MDGA2: variants seen among roughly 807,000 people sequenced by gnomAD.
MDGA2 encodes the protein MAM domain-containing glycosylphosphatidylinositol anchor protein 2.
In MDGA2, 40 loss-of-function variants were observed where a neutral mutation model predicts 117.8. The observed-to-expected ratio is 0.34, with a 90% CI of 0.26 to 0.44. The LOEUF (loss-of-function observed/expected upper bound fraction) is 0.44, where lower values mean the gene tolerates loss of function less well. MDGA2 is among the 20% of genes least tolerant of loss of function. The pLI is 1.00. For synonymous variants in MDGA2, 452 were observed against 439.0 expected, an observed-to-expected ratio of 1.03 and a Z score of -0.37; for missense variants, 1,123 against 1,250.6, an observed-to-expected ratio of 0.90 and a Z score of 1.54.
intron 1 of MDGA2, among the ~76,000 whole-genome samples, chr14:47,345,628 A>G (rs1178687120): frequency 2.6e-5 from 4 of 152,116 alleles, no homozygotes; most frequent in African/African-American, 9.6e-5. Flanking sequence ...CTACTTGGTT[A>G]AACAATAAAA....
Position 47,067,121 on chromosome 14 carries a change from A to C in MDGA2, c.1196-5543T>G, listed in dbSNP as rs78017805. The stretch of plus-strand genomic sequence containing the variant: ...CAAGAGCAAAACTCCACCACAAACA[A>C]AGAAACAAACAACCAACCAAAGTGT... On this transcript the variant is annotated intron_variant, in intron 6 of 16. Coordinates refer to ENST00000399232, the MANE Select transcript of MDGA2 (RefSeq NM_001113498.3). Among the ~76,000 whole-genome samples the C allele has an allele frequency of 3.7e-3, 570 of 152,332 alleles. 6 individuals carry two copies. Among genetic ancestry groups the C allele is most frequent in the African/African-American group, 0.013 (543 of 41,580 alleles).
intron 8 of MDGA2, among the ~76,000 whole-genome samples, chr14:47,013,250 T>C (rs1037308218): frequency 1.3e-5 from 2 of 152,188 alleles, no homozygotes; most frequent in African/African-American, 2.4e-5. Flanking sequence ...GTTTGTAATA[T>C]TGTAAATCTT....
chr14:47,312,360 C>T (rs561692745), intron 1 of MDGA2, among the ~76,000 whole-genome samples: 1 of 152,098 alleles, frequency 6.6e-6, no homozygotes. Context: ...CTGGCCTCTC[C>T]ACAAGCACTT....
At chr14:47,426,855 G>A (rs1421235894) in intron 1 of MDGA2, among the ~76,000 whole-genome samples, 1 of 151,084 alleles carries the variant, frequency 6.6e-6, no homozygotes, top group Non-Finnish European at 1.5e-5. Context: ...TTCAGAGGAG[G>A]CAGGACATTT....
chr14:47,519,858 C>A (rs922792186), intron 1 of MDGA2, among the ~76,000 whole-genome samples: 4 of 152,154 alleles, frequency 2.6e-5, no homozygotes, highest in Non-Finnish European at 1.5e-5. Flanking sequence ...AGTCCAAAGA[C>A]ATTTTCCCCC....
chr14:47,246,837 A>ACACACACACACG (rs1887255184), intron 2 of MDGA2, among the ~76,000 whole-genome samples: 1 of 149,306 alleles, frequency 6.7e-6, no homozygotes, highest in African/African-American at 2.5e-5. Context: ...ACACACACTC[A>ACACACACACACG]GACGTATCAA....
chr14:47,405,443 T>A (rs1292742489), intron 1 of MDGA2, among the ~76,000 whole-genome samples: 1 of 152,186 alleles, frequency 6.6e-6, no homozygotes, highest in Non-Finnish European at 1.5e-5. Context: ...AATTAATCAT[T>A]CATTTCTCTT....
intron 3 of MDGA2, among the ~76,000 whole-genome samples, chr14:47,192,827 T>C (rs921011359): frequency 1.3e-5 from 2 of 152,176 alleles, no homozygotes; most frequent in African/African-American, 4.8e-5. Context: ...CAACCACATA[T>C]GCTTGTTAAC....
chr14:46,921,827 A>G (rs982489670), intron 9 of MDGA2, among the ~76,000 whole-genome samples: 4 of 152,208 alleles, frequency 2.6e-5, no homozygotes, highest in African/African-American at 9.7e-5. Context: ...CTACAAATTT[A>G]CTAAAGAAGT....
chr14:47,295,118 C>T (rs1181702485), intron 2 of MDGA2, among the ~76,000 whole-genome samples: 1 of 152,032 alleles, frequency 6.6e-6, no homozygotes, highest in Non-Finnish European at 1.5e-5. Flanking sequence ...GAGTGGCTTT[C>T]AAAAATATTT....
intron 1 of MDGA2, among the ~76,000 whole-genome samples, chr14:47,553,715 T>C (rs1361753613): frequency 6.9e-6 from 1 of 145,296 alleles, no homozygotes; most frequent in Non-Finnish European, 1.5e-5. Flanking sequence ...TATATACTTA[T>C]AAAAACAATA....
intron 5 of MDGA2, among the ~76,000 whole-genome samples, chr14:47,106,134 A>C (rs1035158916): frequency 3.3e-5 from 5 of 151,958 alleles, no homozygotes; most frequent in African/African-American, 1.2e-4. Context: ...TTCATGGCTC[A>C]TTTGGCAGCA....
At chr14:47,665,823 CCCCCGCCCCA>C (rs1386149131) in intron 1 of MDGA2, among the ~76,000 whole-genome samples, 1 of 135,120 alleles carries the variant, frequency 7.4e-6, no homozygotes, top group Non-Finnish European at 1.6e-5. Context: ...CTCCCCCCCG[CCCCCGCCCCA>C]CCCCGCCCCA....
At chr14:47,471,696 T>C (rs1199043084) in intron 1 of MDGA2, among the ~76,000 whole-genome samples, 1 of 152,084 alleles carries the variant, frequency 6.6e-6, no homozygotes, top group East Asian at 1.9e-4. Context: ...GCCTCAATCC[T>C]CTTAGTGGCA....
At chr14:47,388,212 G>C (rs1272561957) in intron 1 of MDGA2, among the ~76,000 whole-genome samples, 1 of 152,058 alleles carries the variant, frequency 6.6e-6, no homozygotes, top group African/African-American at 2.4e-5. Flanking sequence ...TAGGTATGGA[G>C]GCATAAACAG....
At chr14:47,233,291 T>C (rs1457217763) in intron 2 of MDGA2, among the ~76,000 whole-genome samples, 1 of 152,102 alleles carries the variant, frequency 6.6e-6, no homozygotes, top group African/African-American at 2.4e-5. Flanking sequence ...GAACTGCATA[T>C]AAAACACTAA....
chr14:47,613,938 T>C (rs1469794329), intron 1 of MDGA2, among the ~76,000 whole-genome samples: 4 of 152,126 alleles, frequency 2.6e-5, no homozygotes, highest in African/African-American at 7.2e-5. Flanking sequence ...TGTAGCTCTA[T>C]TGGAGGGGTT....
At chr14:47,519,719 A>G (rs1894829979) in intron 1 of MDGA2, among the ~76,000 whole-genome samples, 1 of 152,014 alleles carries the variant, frequency 6.6e-6, no homozygotes, top group African/African-American at 2.4e-5. Flanking sequence ...TTTCATTTGG[A>G]AAAAAAATTA....
At chr14:47,072,471 C>A (rs1412573272) in intron 6 of MDGA2, among the ~76,000 whole-genome samples, 1 of 152,122 alleles carries the variant, frequency 6.6e-6, no homozygotes, top group East Asian at 1.9e-4. Flanking sequence ...TAAATTCATT[C>A]TTAAGGAAAA....
Sources: gnomAD v4.1 joint callset for allele counts (sites outside exome capture counted in the v4.1 genomes callset) on GRCh38, gnomAD v4.1.1 for gene constraint, MANE v1.5 for transcripts, NCBI Gene and HGNC (gene_info 2026-07-23, HGNC 2026-07-21) for gene names.